The following GANC variants were observed in gnomAD, a reference collection of about 807,000 sequenced individuals.
The protein encoded by GANC is neutral alpha-glucosidase C.
A neutral mutation model predicts 124.2 loss-of-function variants in GANC; 117 were observed. That is an observed-to-expected ratio of 0.94 (90% CI 0.81 to 1.10). The LOEUF (loss-of-function observed/expected upper bound fraction) is 1.10. Among genes scored for constraint, GANC ranks in the 50% least tolerant of loss-of-function variants. The pLI is 0.00. For synonymous variants in GANC, 377 were observed against 376.8 expected (o/e 1.00, Z -0.01); for missense variants, 1,140 against 1,095.0 (o/e 1.04, Z -0.58).
intron 13 of GANC, among the ~76,000 whole-genome samples, chr15:42,328,372 A>G (rs1018893416): frequency 6.6e-6 from 1 of 152,168 alleles, no homozygotes. Context: ...AATATTTACT[A>G]TCTGGACCTT....
At chr15:42,339,077 A>G (rs921331478) in intron 16 of GANC, among the ~76,000 whole-genome samples, 2 of 152,152 alleles carry the variant, frequency 1.3e-5, no homozygotes, top group African/African-American at 2.4e-5. Context: ...TGTTTCCTGT[A>G]GGAGTAGAAG....
chr15:42,344,581 T>C (rs2052349777), intron 19 of GANC: 1 of 152,232 alleles, frequency 6.6e-6, no homozygotes, highest in Admixed American at 6.5e-5. Flanking sequence ...GGGGCGACGG[T>C]TCCATCTGCT....
At chr15:42,339,018 G>T (rs927851572) in intron 16 of GANC, among the ~76,000 whole-genome samples, 1 of 152,118 alleles carries the variant, frequency 6.6e-6, no homozygotes, top group South Asian at 2.1e-4. Flanking sequence ...GTAGATGAGC[G>T]ATCTCAATAT....
intron 20 of GANC, among the ~76,000 whole-genome samples, chr15:42,346,509 G>A (rs10438301): frequency 0.017 from 2,540 of 152,148 alleles, 74 homozygotes; most frequent in African/African-American, 0.059. Flanking sequence ...GAGTTGTATG[G>A]TATATGAATT....
At chr15:42,322,136 A>G in intron 11 of GANC, 116 bp downstream of exon 11, 1 of 786,308 alleles carries the variant, frequency 1.3e-6, no homozygotes, top group Non-Finnish European at 2.0e-6. Context: ...CTGTGAAAAT[A>G]GTAGATTCAA....
At chr15:42,334,218 A>G (rs1407833696) in intron 15 of GANC, among the ~76,000 whole-genome samples, 2 of 150,944 alleles carry the variant, frequency 1.3e-5, no homozygotes, top group Admixed American at 6.6e-5. Flanking sequence ...CTGGAATGCA[A>G]TGGCATCATC....
intron 22 of GANC, among the ~76,000 whole-genome samples, chr15:42,350,334 G>A (rs898994663): frequency 3.3e-5 from 5 of 151,700 alleles, no homozygotes; most frequent in African/African-American, 4.9e-5. Context: ...CCATCTCCCC[G>A]ACTTTCTAAA....
In GANC at chr15:42,274,046, T is replaced by G; in HGVS notation, c.-436T>G. Reference sequence around the variant, plus strand: ...TAACCGAAAACGGAGACAGAGAGGGTCAGTTTTCAAAATCTGTGGCGTGAC... The same window carrying G: ...TAACCGAAAACGGAGACAGAGAGGGGCAGTTTTCAAAATCTGTGGCGTGAC... On this transcript the variant is annotated 5_prime_UTR_variant, in exon 1 of 24. Coordinates refer to ENST00000318010, the MANE Select transcript of GANC (RefSeq NM_198141.3). 1 of 234,590 alleles carries G rather than the reference T, an allele frequency of 4.3e-6. No homozygotes were observed. The allele number at this position is 234,590 out of a possible 1,614,324, so 14.5% of individuals were successfully genotyped here. A position where few individuals can be genotyped will look rare whatever the true frequency, so the allele number is the denominator to read the frequency against.
chr15:42,348,144 G>A lies in GANC; in HGVS notation c.2346G>A (p.Lys782=). Residue 782 remains lysine (K), a synonymous_variant, in exon 21 of 24, where the codon AAG becomes AAA. Transcript: ENST00000318010. The stretch of plus-strand genomic sequence containing the variant: ...GAGGTGGAAGTGTGATACCAATAAA[G>A]ACAACTGTAGGAAAATCCACAGGCT... The part of the protein sequence containing the change: ...FQRGGSVIPI[K]TTVGKSTGWM... 1.9e-6 allele frequency: 3 copies of A among 1,613,056 alleles called. No homozygotes were observed. Among genetic ancestry groups the A allele is most frequent in the African/African-American group, 2.7e-5 (2 of 74,980 alleles).
intron 6 of GANC, among the ~76,000 whole-genome samples, chr15:42,303,598 G>T (rs911843540): frequency 4.1e-5 from 6 of 147,808 alleles, no homozygotes; most frequent in Non-Finnish European, 8.9e-5. Context: ...AGTGTGCTGT[G>T]TTCAGGAGAC....
At chr15:42,279,167 G>A (rs764629634) in intron 3 of GANC, among the ~76,000 whole-genome samples, 1 of 152,094 alleles carries the variant, frequency 6.6e-6, no homozygotes, top group Non-Finnish European at 1.5e-5. Flanking sequence ...CATCTAAGAG[G>A]TACATTATAT....
At position 42,321,817 on chromosome 15, in the gene GANC, G is replaced by T; in HGVS notation, c.1090G>T (p.Gly364Ter). Reference protein sequence around the residue: ...TQAMPPLFSLGYHQCRWNYED... With the variant: ...TQAMPPLFSL ...AGCCATGCCCCCTCTTTTCTCTTTG[G>T]GATACCACCAGTGCCGCTGGAACTA... Residue 364 changes from glycine to a stop codon, truncating the protein, a stop_gained, in exon 11 of 24, where the codon GGA becomes TGA. Transcript: ENST00000318010. LOFTEE classifies it high-confidence loss of function. 6.2e-7 allele frequency: 1 copy of T among 1,614,152 alleles called. No individual in the cohort carries two copies.
At position 42,330,592 on chromosome 15, in the gene GANC, A is replaced by C. The variant is rs1375422472; in HGVS notation, c.1661A>C (p.Glu554Ala). The stretch of plus-strand genomic sequence containing the variant: ...GTGATATAGCAAATGGCTACTGCAG[A>C]AGGACTGATAAAACGATCTAAAGGG... ...YGFYHQMATA[E>A]GLIKRSKGKE... Residue 554 changes from glutamate (E) to alanine (A), a missense_variant, in exon 15 of 24, where the codon GAA (glutamate) becomes GCA (alanine). Coordinates refer to ENST00000318010, the MANE Select transcript of GANC (RefSeq NM_198141.3). The C allele has an allele frequency of 1.2e-6, 2 of 1,611,872 alleles. No homozygotes were observed. Among genetic ancestry groups the C allele is most frequent in the African/African-American group, 2.7e-5 (2 of 74,776 alleles).
chr15:42,310,763 T>C lies in GANC; in HGVS notation c.974T>C (p.Met325Thr). Residue 325 changes from methionine to threonine, a missense_variant, in exon 10 of 24, where the codon ATG becomes ACG. Coordinates refer to ENST00000318010, the MANE Select transcript of GANC (RefSeq NM_198141.3). ...AGATCTCGCACTCATGTGCACTGGA[T>C]GTCAGAGAGTGGCATCATTGATGTT... ...KVRSRTHVHW[M>T]SESGIIDVFL... is the part of the protein sequence containing the mutation. 6.2e-7 allele frequency: 1 copy of C among 1,614,204 alleles called. No homozygotes were observed. The highest frequency in any genetic ancestry group is 8.5e-7 in the Non-Finnish European group (1 of 1,180,010).
chr15:42,310,430 A>G lies in GANC; in HGVS notation c.870A>G (p.Thr290=), dbSNP rs139326599. The G allele has an allele frequency of 3.1e-6, 5 of 1,613,328 alleles. No homozygotes were observed. In the African/African-American group the frequency reaches 6.7e-5, roughly 22 times the overall value. ...TTTTCTGGCTGAATGCCTCGGAAACACTGGTGGAGATCAATACAGAGCCTG... is the reference window on the plus strand; with the variant it reads ...TTTTCTGGCTGAATGCCTCGGAAACGCTGGTGGAGATCAATACAGAGCCTG... ...IGIFWLNASE[T]LVEINTEPAV... is the part of the protein sequence containing the mutation. Residue 290 remains threonine (T), a synonymous_variant, in exon 9 of 24, where the codon ACA becomes ACG. Coordinates refer to ENST00000318010, the MANE Select transcript of GANC (RefSeq NM_198141.3).
Position 42,294,214 on chromosome 15 carries a change from A to AT in GANC, c.512+1298dup, listed in dbSNP as rs201315924. On this transcript the variant is annotated intron_variant, in intron 5 of 23. Coordinates refer to ENST00000318010, the MANE Select transcript of GANC (RefSeq NM_198141.3). The stretch of plus-strand genomic sequence containing the variant: ...GGAGTATATATTAATACACATTTCT[A>AT]TGTAATAATAGTAAAGAATCTCCTT... Among the ~76,000 whole-genome samples the AT allele has an allele frequency of 6.0e-3, 904 of 151,532 alleles. 41 individuals carry two copies. Among genetic ancestry groups the AT allele is most frequent in the African/African-American group, 0.021 (863 of 40,830 alleles).
In GANC at chr15:42,309,959, C is replaced by T. The variant is rs1417608878; in HGVS notation, c.723-324C>T. Among the ~76,000 whole-genome samples the T allele has an allele frequency of 2.6e-5, 4 of 152,066 alleles. 1 individual carries two copies. Among genetic ancestry groups the T allele is most frequent in the Admixed American group, 1.3e-4 (2 of 15,270 alleles). ...TGCTGACCCTGGAAGGTAGAGTTTG[C>T]AGTGAGCCAAGATCGCACCACTGCA... is the stretch of plus-strand genomic sequence containing the variant. On this transcript the variant is annotated intron_variant, in intron 8 of 23. Transcript: ENST00000318010.
rs763620094 is a variant in GANC at position 42,329,371 on chromosome 15, G to A, written c.1566G>A (p.Glu522=). The A allele has an allele frequency of 1.9e-6, 3 of 1,614,020 alleles. No individual in the cohort carries two copies. The highest frequency in any genetic ancestry group is 2.2e-5 in the South Asian group (2 of 91,070). Residue 522 remains glutamate (E), a synonymous_variant, in exon 14 of 24, where the codon GAG becomes GAA. Coordinates refer to ENST00000318010, the MANE Select transcript of GANC (RefSeq NM_198141.3). Reference sequence around the variant, plus strand: ...AGCCTTCTGTCTTTAGAGGGCCAGAGCAAACCATGCAGAAGAATGCCATTC... The same window carrying A: ...AGCCTTCTGTCTTTAGAGGGCCAGAACAAACCATGCAGAAGAATGCCATTC... The part of the protein sequence containing the change: ...MNEPSVFRGP[E]QTMQKNAIHH...
At chr15:42,285,778 A>G (rs938066813) in intron 3 of GANC, among the ~76,000 whole-genome samples, 5 of 152,154 alleles carry the variant, frequency 3.3e-5, no homozygotes, top group Admixed American at 6.5e-5. Context: ...CTGGGTGACC[A>G]AGCAAGACTC....
Sources: allele counts gnomAD v4.1 joint callset (sites outside exome capture counted in the v4.1 genomes callset), GRCh38; gene constraint gnomAD v4.1.1; transcripts MANE v1.5; gene names NCBI Gene and HGNC (gene_info 2026-07-23, HGNC 2026-07-21).